The following SOS1 variants were observed in gnomAD, a reference collection of about 807,000 sequenced individuals.
SOS1 encodes the protein SOS Ras/Rac guanine nucleotide exchange factor 1, also known as son of sevenless homolog 1.
Under a neutral mutation model 157.6 loss-of-function variants are expected in SOS1, and 25 were observed. The ratio of observed to expected loss-of-function variants is 0.16; its 90% CI spans 0.12 to 0.22. The LOEUF (loss-of-function observed/expected upper bound fraction) is 0.22. Among genes scored for constraint, SOS1 ranks in the 10% least tolerant of loss-of-function variants. The pLI is 1.00. For missense variants in SOS1, 1,237 were observed against 1,599.1 expected (o/e 0.77, Z 3.86); for synonymous variants, 528 against 534.0 (o/e 0.99, Z 0.16).
intron 1 of SOS1, among the ~76,000 whole-genome samples, chr2:39,108,203 G>A (rs1673276537): frequency 6.6e-6 from 1 of 152,080 alleles, no homozygotes; most frequent in Non-Finnish European, 1.5e-5. Flanking sequence ...CACAGCTACT[G>A]CTCTAATCAA....
At chr2:39,043,774 C>T (rs562397225) in intron 6 of SOS1, among the ~76,000 whole-genome samples, 49 of 152,166 alleles carry the variant, frequency 3.2e-4, no homozygotes, top group Non-Finnish European at 5.0e-4. Flanking sequence ...TCATGGGGGC[C>T]CCACCCCACC....
chr2:39,033,057 G>C (rs939645516), intron 8 of SOS1, among the ~76,000 whole-genome samples: 1 of 151,512 alleles, frequency 6.6e-6, no homozygotes, highest in African/African-American at 2.4e-5. Flanking sequence ...AGGGCTGCTA[G>C]GAAATTCTTT....
chr2:38,988,621 AG>A lies in SOS1; in HGVS notation c.3391+648del, dbSNP rs1361680300. Among the ~76,000 whole-genome samples the A allele has an allele frequency of 2.6e-5, 4 of 151,700 alleles. No homozygotes were observed. In the Admixed American group the frequency reaches 2.7e-4, roughly 10 times the overall value. ...TTTTGATCACCTACCTTTTTTCTTAAGAATATAGTTAATTCAGCTTGTAACT... is the reference window on the plus strand; with the variant it reads ...TTTTGATCACCTACCTTTTTTCTTAAAATATAGTTAATTCAGCTTGTAACT... On this transcript the variant is annotated intron_variant, in intron 21 of 22. Transcript: ENST00000402219.
chr2:39,002,730 C>T (rs1209053810), intron 17 of SOS1, among the ~76,000 whole-genome samples: 1 of 151,836 alleles, frequency 6.6e-6, no homozygotes. Flanking sequence ...AATATTTTTC[C>T]AGGAAGAGAA....
chr2:39,103,692 G>C (rs1673058929), intron 1 of SOS1, among the ~76,000 whole-genome samples: 1 of 152,048 alleles, frequency 6.6e-6, no homozygotes, highest in Admixed American at 6.6e-5. Context: ...AAATCTCTTA[G>C]AAGAAAACAT....
intron 1 of SOS1, among the ~76,000 whole-genome samples, chr2:39,112,714 A>G (rs1419204699): frequency 2.0e-5 from 3 of 152,186 alleles, no homozygotes; most frequent in Non-Finnish European, 4.4e-5. Flanking sequence ...CACTCTGTAA[A>G]AAAAATTTGC....
At position 39,067,695 on chromosome 2, in the gene SOS1, T is replaced by C; in HGVS notation, c.146A>G (p.Glu49Gly). The C allele has an allele frequency of 6.2e-7, 1 of 1,612,448 alleles. No individual in the cohort carries two copies. The highest frequency in any genetic ancestry group is 8.5e-7 in the Non-Finnish European group (1 of 1,178,428). The change falls in exon 2 of 23, where the codon GAA becomes GGA. Residue 49 changes from glutamate to glycine, a missense_variant. Transcript: ENST00000402219. Reference protein sequence around the residue: ...ESNDDALQYVEELILQLLNML... With the variant: ...ESNDDALQYVGELILQLLNML... ...ATTTAATAATTGCAAAATTAATTCT[T>C]CAACATACTGAAGAGCATCATCATT...
At position 38,985,434 on chromosome 2, in the gene SOS1, A is replaced by T. The variant is rs931006072; in HGVS notation, c.*390T>A. ...GATCCCTGTTTAAGTTTTTTTTTTT[A>T]AAAGTGCATAATTTGAATTACAAAA... On this transcript the variant is annotated 3_prime_UTR_variant, in exon 23 of 23. Transcript: ENST00000402219. The T allele has an allele frequency of 1.1e-4, 19 of 167,614 alleles. No homozygotes were observed. The highest frequency in any genetic ancestry group is 3.5e-4 in the African/African-American group (13 of 36,620). The allele number at this position is 167,614 out of a possible 1,614,324, so 10.4% of individuals were successfully genotyped here. A position where few individuals can be genotyped will look rare whatever the true frequency, so the allele number is the denominator to read the frequency against.
chr2:39,042,643 T>A (rs1050649202), intron 6 of SOS1, among the ~76,000 whole-genome samples: 2 of 151,584 alleles, frequency 1.3e-5, no homozygotes, highest in Non-Finnish European at 2.9e-5. Context: ...GACCTTGTGA[T>A]CCGCCCGCCT....
chr2:39,072,952 A>G (rs1213127122), intron 1 of SOS1, among the ~76,000 whole-genome samples: 4 of 152,210 alleles, frequency 2.6e-5, no homozygotes, highest in African/African-American at 4.8e-5. Context: ...ACCAACTCCT[A>G]AAAATACACA....
intron 6 of SOS1, among the ~76,000 whole-genome samples, chr2:39,037,894 C>A (rs989932928): frequency 6.6e-6 from 1 of 151,882 alleles, no homozygotes; most frequent in Non-Finnish European, 1.5e-5. Context: ...ATACTTTAAG[C>A]CCACTATTGA....
At chr2:39,122,839 C>G (rs1170406769), upstream of SOS1, among the ~76,000 whole-genome samples, 1 of 152,006 alleles carries the variant, frequency 6.6e-6, no homozygotes, top group African/African-American at 2.4e-5. Context: ...CCACCGCGCC[C>G]GGTCAGCCCT....
intron 1 of SOS1, among the ~76,000 whole-genome samples, chr2:39,090,605 A>C (rs953195296): frequency 2.6e-5 from 4 of 152,090 alleles, no homozygotes; most frequent in African/African-American, 9.7e-5. Context: ...CTGAGGCAGG[A>C]GAATTGCTTG....
intron 1 of SOS1, among the ~76,000 whole-genome samples, chr2:39,090,747 T>A (rs1279741388): frequency 6.6e-6 from 1 of 152,180 alleles, no homozygotes. Context: ...GCTTATCACA[T>A]CTTTTTAATG....
At chr2:39,045,317 TTAGTC>T (rs1670741177) in intron 6 of SOS1, among the ~76,000 whole-genome samples, 1 of 146,548 alleles carries the variant, frequency 6.8e-6, no homozygotes, top group African/African-American at 2.5e-5. Flanking sequence ...ATCAAATGTG[TTAGTC>T]TAATCTTCTG....
Position 39,023,025 on chromosome 2 carries a change from A to G in SOS1, c.1403T>C (p.Met468Thr). The G allele has an allele frequency of 6.2e-7, 1 of 1,613,812 alleles. No individual in the cohort carries two copies. Among genetic ancestry groups the G allele is most frequent in the Non-Finnish European group, 8.5e-7 (1 of 1,179,766 alleles). The change falls in exon 10 of 23, where the codon ATG becomes ACG. Residue 468 changes from methionine to threonine, a missense_variant. Met to Thr is a moderately conservative substitution (Grantham distance 81). Around this residue, in one of 15 missense-constraint regions of SOS1, gnomAD observed 210 missense variants for 220.2 expected, o/e 0.95. Coordinates refer to ENST00000402219, the MANE Select transcript of SOS1 (RefSeq NM_005633.4). The stretch of plus-strand genomic sequence containing the variant: ...CCCATGATTTGATTTACAGCAAATC[A>G]TTAAGCCATCAAAGAGAAATATGTG... ...ERHIFLFDGL[M>T]ICCKSNHGQP...
intron 1 of SOS1, among the ~76,000 whole-genome samples, chr2:39,106,334 T>C (rs297162): frequency 0.81 from 123,337 of 151,892 alleles, 51,745 homozygotes; most frequent in Non-Finnish European, 0.92. Flanking sequence ...CTCACGCCTG[T>C]AATCCCAGCA....
chr2:39,076,155 A>G (rs1428244400), intron 1 of SOS1, among the ~76,000 whole-genome samples: 1 of 152,204 alleles, frequency 6.6e-6, no homozygotes, highest in African/African-American at 2.4e-5. Flanking sequence ...CATGCCTACA[A>G]TCCCACCACT....
At chr2:39,100,083 A>G (rs2148203377) in intron 1 of SOS1, among the ~76,000 whole-genome samples, 1 of 152,326 alleles carries the variant, frequency 6.6e-6, no homozygotes, top group Middle Eastern at 3.4e-3. Flanking sequence ...ACTCAACATC[A>G]TTAATCATCA....
Sources: gnomAD v4.1 joint callset for allele counts (sites outside exome capture counted in the v4.1 genomes callset) on GRCh38, gnomAD v4.1.1 for gene constraint, gnomAD v4.1.1 regional missense constraint, MANE v1.5 for transcripts, NCBI Gene and HGNC (gene_info 2026-07-23, HGNC 2026-07-21) for gene names.